SPC25: variants seen among roughly 807,000 people sequenced by gnomAD.
SPC25 encodes kinetochore protein Spc25.
A neutral mutation model predicts 29.6 loss-of-function variants in SPC25; 22 were observed. The observed-to-expected ratio is 0.74, with a 90% confidence interval of 0.53 to 1.06. SPC25 has a LOEUF of 1.06. Among genes scored for constraint, SPC25 ranks in the 50% least tolerant of loss-of-function variants. The pLI is 0.00. For synonymous variants in SPC25, 91 were observed against 90.4 expected (o/e 1.01, Z -0.04); for missense variants, 230 against 255.8 (o/e 0.90, Z 0.69).
chr2:168,871,722 T>A (rs1340970227), intron 6 of SPC25, among the ~76,000 whole-genome samples, 167 bp from the exon 7 acceptor site: 2 of 152,154 alleles, frequency 1.3e-5, no homozygotes, highest in African/African-American at 4.8e-5. Flanking sequence ...CAAATATCTT[T>A]TGGACCTTTC....
intron 3 of SPC25, chr2:168,884,752 G>T (rs192782844): frequency 1.3e-5 from 2 of 152,220 alleles, no homozygotes; most frequent in Admixed American, 6.5e-5. Context: ...GATGAGTAAG[G>T]CTTCTGGAGT....
At chr2:168,868,625 C>G (rs983763361), downstream of SPC25, among the ~76,000 whole-genome samples, 5 of 152,080 alleles carry the variant, frequency 3.3e-5, no homozygotes, top group African/African-American at 9.7e-5. Flanking sequence ...ATAAATTCCT[C>G]GACACATACA....
At chr2:168,870,766 A>G (rs1559152220), downstream of SPC25, 1 of 151,566 alleles carries the variant, frequency 6.6e-6, no homozygotes. Context: ...GTGGGACTGT[A>G]AACTAGTTCA....
chr2:168,887,030 C>T (rs1203505784), intron 3 of SPC25, among the ~76,000 whole-genome samples: 1 of 152,136 alleles, frequency 6.6e-6, no homozygotes, highest in Non-Finnish European at 1.5e-5. Context: ...CTTTCACACA[C>T]ACATGCAAAC....
chr2:168,887,548 G>A (rs777110002), intron 3 of SPC25, among the ~76,000 whole-genome samples: 1 of 152,182 alleles, frequency 6.6e-6, no homozygotes, highest in Non-Finnish European at 1.5e-5. Context: ...AAGTGGGTAA[G>A]TCAAGGCTAC....
intron 4 of SPC25, chr2:168,865,195 G>A (rs1461847228): frequency 1.9e-6 from 1 of 523,214 alleles, no homozygotes; most frequent in Non-Finnish European, 3.4e-6. Context: ...TCCTAGAGGA[G>A]TTTCCAAATT....
downstream of SPC25, among the ~76,000 whole-genome samples, chr2:168,869,166 C>A (rs1440557856): frequency 6.6e-6 from 1 of 152,126 alleles, no homozygotes; most frequent in African/African-American, 2.4e-5. Flanking sequence ...ACCCTTCATG[C>A]TAAAAACTCT....
At chr2:168,868,712 T>G (rs577516461), downstream of SPC25, among the ~76,000 whole-genome samples, 1 of 152,156 alleles carries the variant, frequency 6.6e-6, no homozygotes, top group South Asian at 2.1e-4. Flanking sequence ...AGGCAATAAT[T>G]AATAGCTTAC....
chr2:168,875,679 G>A (rs1056276781), intron 5 of SPC25, among the ~76,000 whole-genome samples: 1 of 151,864 alleles, frequency 6.6e-6, no homozygotes, highest in Non-Finnish European at 1.5e-5. Context: ...TCCAAATGTT[G>A]GTAGAAGCAA....
chr2:168,861,951 C>CTATT (rs1248413830), intron 4 of SPC25: 2 of 1,613,704 alleles, frequency 1.2e-6, no homozygotes, highest in Non-Finnish European at 1.7e-6. Context: ...ACAGCTTTAT[C>CTATT]TATTTCAGCC....
At chr2:168,870,358 G>T (rs2105819791), downstream of SPC25, among the ~76,000 whole-genome samples, 1 of 151,564 alleles carries the variant, frequency 6.6e-6, no homozygotes, top group South Asian at 2.1e-4. Flanking sequence ...TTGACAAATG[G>T]GATCTAATTA....
Position 168,877,401 on chromosome 2 carries a change from GTA to G in SPC25, c.200-19_200-18del, listed in dbSNP as rs1354875054. 1.4e-5 allele frequency: 23 copies of G among 1,613,012 alleles called. No homozygotes were observed. Among genetic ancestry groups the G allele is most frequent in the Non-Finnish European group, 1.9e-5 (22 of 1,179,570 alleles). On this transcript the variant is annotated intron_variant, in intron 3 of 6. Coordinates refer to ENST00000282074, the MANE Select transcript of SPC25 (RefSeq NM_020675.4). ...TGCTGATCTCTGTAAGAAGCACAAG[GTA>G]TTAGCTAGAATATGCTTGGCTCTCT...
chr2:168,873,733 C>A lies in SPC25; in HGVS notation c.452-50G>T, dbSNP rs753512492. 5 of 1,176,288 alleles carry A rather than the reference C, an allele frequency of 4.3e-6. No homozygotes were observed. In the African/African-American group the frequency reaches 6.0e-5, roughly 14 times the overall value. 72.9% of individuals were successfully genotyped at this position (1,176,288 alleles called of 1,614,324 possible). A position where few individuals can be genotyped will look rare whatever the true frequency, so the allele number is the denominator to read the frequency against. ...TGTGTCAAAGCTTTCAATGGAGATACCCTTTCTTACTCCATCTTTGATCAA... is the reference window on the plus strand; with the variant it reads ...TGTGTCAAAGCTTTCAATGGAGATAACCTTTCTTACTCCATCTTTGATCAA... On this transcript the variant is annotated intron_variant, in intron 5 of 6. Transcript: ENST00000282074.
intron 6 of SPC25, 78 bp downstream of exon 6, chr2:168,873,507 A>G: frequency 2.0e-6 from 2 of 992,326 alleles, no homozygotes; most frequent in Non-Finnish European, 3.2e-6. Context: ...ACTTTCCTCC[A>G]TATTACTTTA....
At chr2:168,890,138 T>C (rs1365863864) in intron 1 of SPC25, among the ~76,000 whole-genome samples, 180 bp downstream of exon 1, 1 of 152,138 alleles carries the variant, frequency 6.6e-6, no homozygotes, top group Non-Finnish European at 1.5e-5. Context: ...CCTCCTGCAG[T>C]GAAACCCAGA....
chr2:168,871,381 T>C lies in SPC25; in HGVS notation c.*50A>G. The C allele has an allele frequency of 6.7e-7, 1 of 1,485,976 alleles. No individual in the cohort carries two copies. 92.0% of individuals were successfully genotyped at this position (1,485,976 alleles called of 1,614,324 possible). ...ATAATAAAAACAAGAAAAAAAGAGA[T>C]ATGTAATAGAGAAGAAAAATAAACC... On this transcript the variant is annotated 3_prime_UTR_variant, in exon 7 of 7. Transcript: ENST00000282074.
At chr2:168,880,275 A>G (rs905739588) in intron 3 of SPC25, among the ~76,000 whole-genome samples, 4 of 152,234 alleles carry the variant, frequency 2.6e-5, no homozygotes, top group African/African-American at 9.6e-5. Flanking sequence ...TGTTCATTCA[A>G]TGATCTTAGC....
At position 168,889,082 on chromosome 2, in the gene SPC25, CAT is replaced by C. The variant is rs201929324; in HGVS notation, c.199+142_199+143del. ...ACATATATATATACACATATATATA[CAT>C]ATATATACACATATATATATACACA... On this transcript the variant is annotated intron_variant, in intron 3 of 6. Coordinates refer to ENST00000282074, the MANE Select transcript of SPC25 (RefSeq NM_020675.4). 1.6e-3 allele frequency: 240 copies of C among 147,014 alleles called. 10 individuals carry two copies. Among genetic ancestry groups the C allele is most frequent in the South Asian group, 3.1e-3 (26 of 8,336 alleles). 9.1% of individuals were successfully genotyped at this position (147,014 alleles called of 1,614,324 possible). A position where few individuals can be genotyped will look rare whatever the true frequency, so the allele number is the denominator to read the frequency against.
At chr2:168,862,273 T>G (rs1171057930) in intron 4 of SPC25, among the ~76,000 whole-genome samples, 1 of 152,226 alleles carries the variant, frequency 6.6e-6, no homozygotes, top group East Asian at 1.9e-4. Flanking sequence ...TATTGTCCAA[T>G]TTAATATTCA....
Sources: gnomAD v4.1 joint callset for allele counts (sites outside exome capture counted in the v4.1 genomes callset) on GRCh38, gnomAD v4.1.1 for gene constraint, MANE v1.5 for transcripts, NCBI Gene and HGNC (gene_info 2026-07-23, HGNC 2026-07-21) for gene names.